Variants in ZNF816 observed in about 807,000 individuals in gnomAD.
The protein encoded by ZNF816 is zinc finger protein 816, also known as zinc finger protein 816A.
A neutral mutation model predicts 8.3 loss-of-function variants in ZNF816; 11 were observed. That is an observed-to-expected ratio of 1.32 (90% CI 0.83 to 2.19). ZNF816 has a LOEUF of 2.19. Ranked by LOEUF, ZNF816 falls within the 30% of genes most tolerant of loss-of-function variation. ZNF816 has a pLI of 0.00. For synonymous variants in ZNF816, 255 were observed against 254.5 expected (o/e 1.00, Z -0.02); for missense variants, 710 against 779.3 (o/e 0.91, Z 1.06).
At chr19:52,955,916 G>A (rs1409746108) in intron 2 of ZNF816, 111 bp downstream of exon 2, 30 of 1,391,838 alleles carry the variant, frequency 2.2e-5, no homozygotes, top group Middle Eastern at 2.2e-4. Flanking sequence ...GGGTGAGTGC[G>A]AGCAAACGTG....
At chr19:52,954,816 A>T (rs1200233598) in intron 2 of ZNF816, among the ~76,000 whole-genome samples, 2 of 151,180 alleles carry the variant, frequency 1.3e-5, no homozygotes, top group African/African-American at 4.9e-5. Flanking sequence ...AAACATGCAA[A>T]AAAAAAAAAA....
chr19:52,961,176 A>G (rs1302317213), intron 1 of ZNF816, among the ~76,000 whole-genome samples: 1 of 152,188 alleles, frequency 6.6e-6, no homozygotes, highest in African/African-American at 2.4e-5. Flanking sequence ...CAAACCTACT[A>G]TGGGTTATAA....
Position 52,957,873 on chromosome 19 carries a change from C to T in ZNF816, c.-15-1769G>A, listed in dbSNP as rs573698339. Reference sequence around the variant, plus strand: ...TCTTTACAGCTAAGGTTACCCAGAACGGGAGTCATTATGGCCCTTACAGTC... The same window carrying T: ...TCTTTACAGCTAAGGTTACCCAGAATGGGAGTCATTATGGCCCTTACAGTC... On this transcript the variant is annotated intron_variant, in intron 1 of 3. Transcript: ENST00000444460. The surrounding 1 kb of genome is among the most constrained non-coding windows in gnomAD (Gnocchi z 4.6). Among the ~76,000 whole-genome samples, 13 of 152,264 alleles carry T rather than the reference C, an allele frequency of 8.5e-5. No individual in the cohort carries two copies. In the South Asian group the frequency reaches 1.4e-3, roughly 17 times the overall value.
chr19:52,962,403 C>T (rs1042525957), intron 1 of ZNF816, among the ~76,000 whole-genome samples: 4 of 152,166 alleles, frequency 2.6e-5, no homozygotes, highest in Non-Finnish European at 5.9e-5. Context: ...TGTAGCCCTC[C>T]CACTTCCACC....
intron 1 of ZNF816, among the ~76,000 whole-genome samples, chr19:52,961,005 CAAACTA>C (rs1392284522): frequency 6.6e-6 from 1 of 152,202 alleles, no homozygotes; most frequent in Non-Finnish European, 1.5e-5. Flanking sequence ...TGACCTTCCT[CAAACTA>C]AGGACTGTTC....
Position 52,957,194 on chromosome 19 carries a change from G to A in ZNF816, c.-15-1090C>T, listed in dbSNP as rs554399517. 6.6e-6 allele frequency among the ~76,000 whole-genome samples: 1 copy of A among 152,202 alleles called. No homozygotes were observed. Among genetic ancestry groups the A allele is most frequent in the African/African-American group, 2.4e-5 (1 of 41,504 alleles). ...GTCTGAGAGGTACTGTCTGCGGCTCGTCATGCTACATTTCTTGGTTCCCTG... is the reference window on the plus strand; with the variant it reads ...GTCTGAGAGGTACTGTCTGCGGCTCATCATGCTACATTTCTTGGTTCCCTG... On this transcript the variant is annotated intron_variant, in intron 1 of 3. Transcript: ENST00000444460. The surrounding 1 kb of genome is among the most constrained non-coding windows in gnomAD (Gnocchi z 4.6).
At chr19:52,953,317 C>A in intron 2 of ZNF816, 1 of 341,470 alleles carries the variant, frequency 2.9e-6, no homozygotes, top group Non-Finnish European at 6.0e-6. Flanking sequence ...AACTTGAGAA[C>A]AAGAGACGAA....
intron 1 of ZNF816, among the ~76,000 whole-genome samples, chr19:52,961,940 T>C (rs1484453001): frequency 6.6e-6 from 1 of 152,082 alleles, no homozygotes. Context: ...CCTAAAAACC[T>C]CAGTTATTAG....
chr19:52,953,575 TATA>T (rs1315589541), intron 2 of ZNF816, among the ~76,000 whole-genome samples: 1 of 89,680 alleles, frequency 1.1e-5, no homozygotes, highest in East Asian at 2.5e-4. Flanking sequence ...ATTTATAAAA[TATA>T]ATATATAATA....
At chr19:52,951,757 T>G in intron 3 of ZNF816, 173 bp from the exon 4 acceptor site, 1 of 649,542 alleles carries the variant, frequency 1.5e-6, no homozygotes, top group South Asian at 3.0e-5. Context: ...AATTAGCCAG[T>G]CATGGTGGTG....
chr19:52,950,571 A>G lies in ZNF816; in HGVS notation c.1204T>C (p.Cys402Arg). 6.2e-7 allele frequency: 1 copy of G among 1,614,166 alleles called. No individual in the cohort carries two copies. Among genetic ancestry groups the G allele is most frequent in the Non-Finnish European group, 8.5e-7 (1 of 1,180,024 alleles). The change falls in exon 4 of 4, where the codon TGT becomes CGT. Residue 402 changes from cysteine (C) to arginine (R), a missense_variant. Coordinates refer to ENST00000444460, the MANE Select transcript of ZNF816 (RefSeq NM_001202457.3). ...TGEKPYKCEECDNVYIRRSHL... is the reference protein window; with the variant it reads ...TGEKPYKCEERDNVYIRRSHL... Reference sequence around the variant, plus strand: ...GATCTGCGAATGTAAACATTGTCACATTCTTCACATTTGTAAGGTTTCTCT... The same window carrying G: ...GATCTGCGAATGTAAACATTGTCACGTTCTTCACATTTGTAAGGTTTCTCT...
At chr19:52,952,103 G>A (rs2083465248) in intron 3 of ZNF816, among the ~76,000 whole-genome samples, 1 of 152,098 alleles carries the variant, frequency 6.6e-6, no homozygotes, top group African/African-American at 2.4e-5. Context: ...AAGCATGGTG[G>A]CTCACGCCTG....
In ZNF816 at chr19:52,952,630, A is replaced by C. The variant is rs1410563466; in HGVS notation, c.190+121T>G. The C allele has an allele frequency of 1.9e-6, 3 of 1,554,294 alleles. No homozygotes were observed. In the African/African-American group the frequency reaches 4.1e-5, roughly 21 times the overall value. The stretch of plus-strand genomic sequence containing the variant: ...CAGATAGGAGGGTCATCACCGCAGA[A>C]AACAATGACATGTACATCAAAAGCA... On this transcript the variant is annotated intron_variant, in intron 3 of 3. Coordinates refer to ENST00000444460, the MANE Select transcript of ZNF816 (RefSeq NM_001202457.3).
In ZNF816 at chr19:52,956,031, G is replaced by A; in HGVS notation, c.59C>T (p.Pro20Leu). 1 of 1,610,328 alleles carries A rather than the reference G, an allele frequency of 6.2e-7. No individual in the cohort carries two copies. Among genetic ancestry groups the A allele is most frequent in the Non-Finnish European group, 8.5e-7 (1 of 1,178,994 alleles). ...CCACCAAGGAATATCACTTACCTGA[G>A]GAAGAGCCATCCCTGGCTCCTTTTC... is the stretch of plus-strand genomic sequence containing the variant. ...SKEKEPGMAL[P>L]QGRLTFRDVA... The change falls in exon 2 of 4, where the codon CCT becomes CTT. Residue 20 changes from proline (P) to leucine (L), a missense_variant. Pro to Leu is a moderately conservative substitution (Grantham distance 98, BLOSUM62 -3). Coordinates refer to ENST00000444460, the MANE Select transcript of ZNF816 (RefSeq NM_001202457.3).
chr19:52,956,429 C>T (rs1442421862), intron 1 of ZNF816, among the ~76,000 whole-genome samples: 1 of 152,228 alleles, frequency 6.6e-6, no homozygotes, highest in African/African-American at 2.4e-5. Flanking sequence ...AGACTGATCT[C>T]AGCTCTCAAC....
At chr19:52,954,785 G>A (rs2083495046) in intron 2 of ZNF816, among the ~76,000 whole-genome samples, 1 of 149,202 alleles carries the variant, frequency 6.7e-6, no homozygotes, top group African/African-American at 2.5e-5. Context: ...TACACTCCAG[G>A]CGGGGAGGCC....
In ZNF816 at chr19:52,950,161, T is replaced by G. The variant is rs777761909; in HGVS notation, c.1614A>C (p.Lys538Asn). ...GGAAAGCCTTGTCACAAACCTTACA[T>G]TTGTATGGTTTTTCCCCAGTATGAA... ...RRIHTGEKPY[K>N]CKVCDKAFRS... Residue 538 changes from lysine (K) to asparagine (N), a missense_variant, in exon 4 of 4, where the codon AAA becomes AAC. By Grantham distance (94) the Lys-to-Asn change is moderately conservative. Coordinates refer to ENST00000444460, the MANE Select transcript of ZNF816 (RefSeq NM_001202457.3). The G allele has an allele frequency of 1.9e-6, 3 of 1,613,670 alleles. No homozygotes were observed. The East Asian group carries it at 6.7e-5, about 36-fold the overall frequency.
At chr19:52,951,976 T>C (rs145113439) in intron 3 of ZNF816, 534 of 405,602 alleles carry the variant, frequency 1.3e-3, no homozygotes, top group Middle Eastern at 6.9e-3. Flanking sequence ...TAAGAGGAAT[T>C]TCTACAGCAG....
At position 52,950,986 on chromosome 19, in the gene ZNF816, G is replaced by C. The variant is rs772933717; in HGVS notation, c.789C>G (p.Gly263=). ...REREYKCDVC[G]KIFNQKQYIV... Reference sequence around the variant, plus strand: ...TGTATTGCTTCTGATTAAAGATCTTGCCACATACATCACATTTATATTCTC... The same window carrying C: ...TGTATTGCTTCTGATTAAAGATCTTCCCACATACATCACATTTATATTCTC... The change falls in exon 4 of 4, where the codon GGC becomes GGG. Residue 263 remains glycine (G), a synonymous_variant. Coordinates refer to ENST00000444460, the MANE Select transcript of ZNF816 (RefSeq NM_001202457.3). 2.0e-5 allele frequency: 33 copies of C among 1,614,024 alleles called. No individual in the cohort carries two copies. The highest frequency in any genetic ancestry group is 2.4e-5 in the Non-Finnish European group (28 of 1,180,042).
Sources: allele counts gnomAD v4.1 joint callset (sites outside exome capture counted in the v4.1 genomes callset), GRCh38; gene constraint gnomAD v4.1.1; non-coding constraint Gnocchi (gnomAD v3.1); transcripts MANE v1.5; gene names NCBI Gene and HGNC (gene_info 2026-07-23, HGNC 2026-07-21).